Variants in GLI3 observed in about 807,000 individuals in gnomAD.
GLI3 encodes transcription activator GLI3.
Under a neutral mutation model 100.8 loss-of-function variants are expected in GLI3, and 20 were observed. That is an observed-to-expected ratio of 0.20 (90% CI 0.14 to 0.29). The LOEUF is 0.29. Among genes scored for constraint, GLI3 ranks in the 10% least tolerant of loss-of-function variants. GLI3 has a pLI of 1.00. For missense variants in GLI3, 2,040 were observed against 2,128.5 expected (o/e 0.96, Z 0.82); for synonymous variants, 938 against 860.5 (o/e 1.09, Z -1.58).
At chr7:42,049,748 C>T (rs1239247239) in intron 4 of GLI3, among the ~76,000 whole-genome samples, 1 of 152,178 alleles carries the variant, frequency 6.6e-6, no homozygotes, top group Non-Finnish European at 1.5e-5. Flanking sequence ...CAAGTTCCTT[C>T]TCTAACGGAA....
intron 2 of GLI3, among the ~76,000 whole-genome samples, chr7:42,205,203 G>C (rs980901906): frequency 2.6e-5 from 4 of 152,084 alleles, no homozygotes; most frequent in Non-Finnish European, 2.9e-5. Flanking sequence ...ACGCATCCTA[G>C]CAACATACCA....
intron 3 of GLI3, among the ~76,000 whole-genome samples, chr7:42,097,987 T>C (rs909875675): frequency 1.3e-5 from 2 of 152,182 alleles, no homozygotes; most frequent in African/African-American, 4.8e-5. Context: ...TATGATATTA[T>C]CTCCTCTTTG....
At chr7:41,998,818 T>C (rs1562677485) in intron 10 of GLI3, among the ~76,000 whole-genome samples, 2 of 152,252 alleles carry the variant, frequency 1.3e-5, no homozygotes, top group East Asian at 1.9e-4. Flanking sequence ...ATCTATGATG[T>C]AAATATAAAC....
chr7:42,142,769 A>T (rs1023801898), intron 3 of GLI3, among the ~76,000 whole-genome samples: 2 of 151,150 alleles, frequency 1.3e-5, no homozygotes, highest in Non-Finnish European at 2.9e-5. Context: ...TCTCTACTAA[A>T]AAATACAAAA....
chr7:42,019,357 G>A (rs1322636395), intron 10 of GLI3, among the ~76,000 whole-genome samples: 1 of 152,294 alleles, frequency 6.6e-6, no homozygotes, highest in East Asian at 1.9e-4. Context: ...GCTGCAGGCT[G>A]TGCATATTTC....
chr7:41,983,944 C>A (rs1787742809), intron 10 of GLI3, among the ~76,000 whole-genome samples: 1 of 152,226 alleles, frequency 6.6e-6, no homozygotes, highest in Non-Finnish European at 1.5e-5. Context: ...TAACTGTCAT[C>A]GAATGGGAGC....
chr7:42,124,117 C>T (rs1390776820), intron 3 of GLI3, among the ~76,000 whole-genome samples: 3 of 152,114 alleles, frequency 2.0e-5, no homozygotes, highest in African/African-American at 7.2e-5. Flanking sequence ...AGAGGAGTTA[C>T]CCTTAAAATA....
chr7:42,238,421 G>C (rs757297040), upstream of GLI3, among the ~76,000 whole-genome samples: 1 of 152,050 alleles, frequency 6.6e-6, no homozygotes, highest in Non-Finnish European at 1.5e-5. Context: ...ACTCCCTCTC[G>C]CGGGATGATG....
intron 3 of GLI3, among the ~76,000 whole-genome samples, chr7:42,103,656 C>CT (rs958177940): frequency 2.0e-5 from 3 of 152,148 alleles, no homozygotes; most frequent in Admixed American, 2.0e-4. Flanking sequence ...TCACCCAGTC[C>CT]TTTTCACATT....
rs1359215444 is a variant in GLI3 at position 41,972,679 on chromosome 7, C to T, written c.1813-52G>A. 2 of 1,489,202 alleles carry T rather than the reference C, an allele frequency of 1.3e-6. No individual in the cohort carries two copies. The highest frequency in any genetic ancestry group is 1.7e-5 in the Admixed American group (1 of 58,530). The allele number at this position is 1,489,202 out of a possible 1,614,324, so 92.2% of individuals were successfully genotyped here. A position where few individuals can be genotyped will look rare whatever the true frequency, so the allele number is the denominator to read the frequency against. ...AGAGATTGTTATGAAAGAGACTATG[C>T]CCCAGCCCAAAAGTCCTTTATGGTT... On this transcript the variant is annotated intron_variant, in intron 12 of 14. Coordinates refer to ENST00000395925, the MANE Select transcript of GLI3 (RefSeq NM_000168.6). This position sits in a 1 kb window ranked among gnomAD's most constrained non-coding sequence, Gnocchi z 4.4.
chr7:41,987,447 G>A (rs991247458), intron 10 of GLI3, among the ~76,000 whole-genome samples: 13 of 152,304 alleles, frequency 8.5e-5, no homozygotes, highest in East Asian at 1.9e-4. Context: ...GATTACAGGC[G>A]TGAGCCACTG....
chr7:42,072,943 T>C (rs1378387470), intron 4 of GLI3, among the ~76,000 whole-genome samples: 5 of 152,212 alleles, frequency 3.3e-5, no homozygotes, highest in Non-Finnish European at 7.3e-5. Context: ...ATTTGTTTAT[T>C]GGGCCTAAGA....
chr7:42,184,811 G>A (rs879596953), intron 2 of GLI3, among the ~76,000 whole-genome samples: 3 of 151,992 alleles, frequency 2.0e-5, no homozygotes, highest in Admixed American at 6.6e-5. Context: ...AGGCCCAGCC[G>A]TCTCAGTACG....
chr7:42,190,516 G>A (rs77623204), intron 2 of GLI3, among the ~76,000 whole-genome samples: 11,071 of 152,128 alleles, frequency 0.073, 418 homozygotes, highest in Middle Eastern at 0.099. Context: ...CAATAACAAT[G>A]GAAGAAACTG....
chr7:42,047,017 G>A (rs1230822158), intron 5 of GLI3, among the ~76,000 whole-genome samples: 5 of 152,048 alleles, frequency 3.3e-5, no homozygotes, highest in Non-Finnish European at 5.9e-5. Flanking sequence ...TTAGCTAGGC[G>A]TGGTGGTGCA....
chr7:42,060,581 C>T lies in GLI3; in HGVS notation c.474-11885G>A, dbSNP rs1381530883. 2.0e-5 allele frequency among the ~76,000 whole-genome samples: 3 copies of T among 152,242 alleles called. No individual in the cohort carries two copies. In the East Asian group the frequency reaches 5.8e-4, roughly 29 times the overall value. ...TTTTTAATCAGTTTGATTTCTGTGACTTTCCTCTCTATTTTCCATTAATTC... is the reference window on the plus strand; with the variant it reads ...TTTTTAATCAGTTTGATTTCTGTGATTTTCCTCTCTATTTTCCATTAATTC... On this transcript the variant is annotated intron_variant, in intron 4 of 14. Coordinates refer to ENST00000395925, the MANE Select transcript of GLI3 (RefSeq NM_000168.6).
intron 2 of GLI3, among the ~76,000 whole-genome samples, chr7:42,207,769 A>G (rs567857970): frequency 6.6e-6 from 1 of 152,328 alleles, no homozygotes; most frequent in African/African-American, 2.4e-5. Flanking sequence ...CAAAGTGTTA[A>G]CTTTTATTTT....
intron 2 of GLI3, among the ~76,000 whole-genome samples, chr7:42,179,786 G>A (rs1787554726): frequency 6.6e-6 from 1 of 152,138 alleles, no homozygotes; most frequent in Non-Finnish European, 1.5e-5. Context: ...TCCACCGTTG[G>A]GAGCCTGAAG....
chr7:42,104,381 T>C (rs1785530858), intron 3 of GLI3, among the ~76,000 whole-genome samples: 1 of 152,200 alleles, frequency 6.6e-6, no homozygotes, highest in Non-Finnish European at 1.5e-5. Flanking sequence ...CGCTCTAGCA[T>C]TTCCCACTTC....
Sources: allele counts gnomAD v4.1 joint callset (sites outside exome capture counted in the v4.1 genomes callset), GRCh38; gene constraint gnomAD v4.1.1; non-coding constraint Gnocchi (gnomAD v3.1); transcripts MANE v1.5; gene names NCBI Gene and HGNC (gene_info 2026-07-23, HGNC 2026-07-21).